FHOD3: variants seen among roughly 807,000 people sequenced by gnomAD.
FHOD3 encodes formin homology 2 domain containing 3, also known as FH1/FH2 domain-containing protein 3.
A neutral mutation model predicts 173.0 loss-of-function variants in FHOD3; 90 were observed. That is an observed-to-expected ratio of 0.52 (90% CI 0.44 to 0.62). FHOD3 has a LOEUF of 0.62. Among genes scored for constraint, FHOD3 ranks in the 20% least tolerant of loss-of-function variants. The probability of loss-of-function intolerance (pLI) is 0.00; values close to 1 mark genes in which losing one functional copy is unlikely to be tolerated. For synonymous variants in FHOD3, 828 were observed against 823.0 expected (o/e 1.01, Z -0.10); for missense variants, 1,945 against 2,034.7 (o/e 0.96, Z 0.85).
chr18:36,435,095 A>G lies in FHOD3; in HGVS notation c.337+62351A>G, dbSNP rs558728782. Among the ~76,000 whole-genome samples, 4 of 132,182 alleles carry G rather than the reference A, an allele frequency of 3.0e-5. No individual in the cohort carries two copies. The South Asian group carries it at 1.0e-3, about 33-fold the overall frequency. 86.7% of individuals were successfully genotyped at this position (132,182 alleles called of 152,430 possible). On this transcript the variant is annotated intron_variant, in intron 3 of 28. Coordinates refer to ENST00000590592, the MANE Select transcript of FHOD3 (RefSeq NM_001281740.3). The stretch of plus-strand genomic sequence containing the variant: ...GATGGTGAAGGGCAAAATAAATTTC[A>G]CTGGACTTTTTTTTTTTTTTTCTGG...
At chr18:36,446,872 TCTC>T (rs2051514015) in intron 3 of FHOD3, among the ~76,000 whole-genome samples, 1 of 152,026 alleles carries the variant, frequency 6.6e-6, no homozygotes, top group African/African-American at 2.4e-5. Context: ...TGGCCTTTAA[TCTC>T]CTTCACTAAA....
intron 5 of FHOD3, among the ~76,000 whole-genome samples, chr18:36,542,734 T>C (rs2057272747): frequency 6.6e-6 from 1 of 152,318 alleles, no homozygotes; most frequent in Middle Eastern, 3.4e-3. Flanking sequence ...AGGGGATGAA[T>C]TTGCAAATTG....
At chr18:36,606,105 C>T (rs906324012) in intron 8 of FHOD3, among the ~76,000 whole-genome samples, 5 of 152,104 alleles carry the variant, frequency 3.3e-5, no homozygotes, top group African/African-American at 9.7e-5. Context: ...AGGAGTTGTT[C>T]AGTGGGGCTA....
intron 5 of FHOD3, among the ~76,000 whole-genome samples, chr18:36,523,258 AT>A (rs1180580487): frequency 6.6e-6 from 1 of 152,242 alleles, no homozygotes; most frequent in Admixed American, 6.5e-5. Flanking sequence ...GTTAAATGTC[AT>A]TGGATAAATA....
chr18:36,611,856 A>G lies in FHOD3; in HGVS notation c.814-96A>G, dbSNP rs974337285. 14 of 1,239,472 alleles carry G rather than the reference A, an allele frequency of 1.1e-5. No homozygotes were observed. The African/African-American group carries it at 1.2e-4, about 11-fold the overall frequency. The allele number at this position is 1,239,472 out of a possible 1,614,324, so 76.8% of individuals were successfully genotyped here. A position where few individuals can be genotyped will look rare whatever the true frequency, so the allele number is the denominator to read the frequency against. ...TCTGGATTGATTAGTGGCCATGATTATAACAATATGCCTGGATTAGGCATT... is the reference window on the plus strand; with the variant it reads ...TCTGGATTGATTAGTGGCCATGATTGTAACAATATGCCTGGATTAGGCATT... On this transcript the variant is annotated intron_variant, in intron 8 of 28. Transcript: ENST00000590592.
intron 3 of FHOD3, among the ~76,000 whole-genome samples, chr18:36,407,306 CT>C (rs1405106345): frequency 6.6e-6 from 1 of 152,202 alleles, no homozygotes; most frequent in Non-Finnish European, 1.5e-5. Context: ...TACAAATTCT[CT>C]TTTTGCTCCA....
Position 36,718,382 on chromosome 18 carries a change from C to CCCTCT in FHOD3, c.3084_3085insCCTCT (p.Phe1029ProfsTer41). 1.3e-6 allele frequency: 2 copies of CCCTCT among 1,495,076 alleles called. No individual in the cohort carries two copies. Among genetic ancestry groups the CCCTCT allele is most frequent in the Admixed American group, 2.0e-5 (1 of 50,238 alleles). 92.6% of individuals were successfully genotyped at this position (1,495,076 alleles called of 1,614,324 possible). ...GGCCACCTCCCCCACCCCCACCCAC[C>CCCTCT]TTTCTGGGTTTGCCGCCCCCACCCC... On this transcript the variant is annotated frameshift_variant, in exon 19 of 29. Transcript: ENST00000590592. LOFTEE classifies it high-confidence loss of function.
At chr18:36,416,829 T>C (rs1375588903) in intron 3 of FHOD3, among the ~76,000 whole-genome samples, 4 of 152,162 alleles carry the variant, frequency 2.6e-5, no homozygotes, top group African/African-American at 9.6e-5. Flanking sequence ...TCAAGCCACC[T>C]CTGTGTCCTT....
chr18:36,753,098 G>C (rs1404403080), intron 24 of FHOD3, among the ~76,000 whole-genome samples: 1 of 152,212 alleles, frequency 6.6e-6, no homozygotes, highest in Non-Finnish European at 1.5e-5. Context: ...TGTGGAATGA[G>C]TGAGAGCCAT....
At chr18:36,501,879 C>T (rs1353355552) in intron 3 of FHOD3, 53 bp from the exon 4 acceptor site, 3 of 1,253,718 alleles carry the variant, frequency 2.4e-6, no homozygotes, top group Non-Finnish European at 3.4e-6. Context: ...TCTGTGTTTT[C>T]ACTGTCAATA....
Position 36,780,027 on chromosome 18 carries a change from C to A in FHOD3, c.*497C>A. 1.4e-6 allele frequency: 1 copy of A among 722,344 alleles called. No individual in the cohort carries two copies. 44.7% of individuals were successfully genotyped at this position (722,344 alleles called of 1,614,324 possible). ...AAATACATACATGTACACCATGTTT[C>A]AAATACTAAATAAATAGAGTTTAAT... On this transcript the variant is annotated 3_prime_UTR_variant, in exon 29 of 29. Transcript: ENST00000590592.
intron 3 of FHOD3, among the ~76,000 whole-genome samples, chr18:36,475,558 C>A (rs2053519246): frequency 6.6e-6 from 1 of 152,046 alleles, no homozygotes; most frequent in Non-Finnish European, 1.5e-5. Context: ...AAGGACTTGC[C>A]ATCAAAATCA....
rs748409532 is a variant in FHOD3, at chr18:36,502,010, A to G, written c.405+11A>G. 2 of 1,582,024 alleles carry G rather than the reference A, an allele frequency of 1.3e-6. No individual in the cohort carries two copies. The highest frequency in any genetic ancestry group is 1.7e-6 in the Non-Finnish European group (2 of 1,156,824). ...AAGCAGATATTTCAGGTAAATAGGA[A>G]AAAAATAAGTACTTACCTGTTTTTA... On this transcript the variant is annotated intron_variant, in intron 4 of 28. Transcript: ENST00000590592.
At chr18:36,714,885 G>T (rs2040364030) in intron 18 of FHOD3, among the ~76,000 whole-genome samples, 1 of 152,200 alleles carries the variant, frequency 6.6e-6, no homozygotes, top group South Asian at 2.1e-4. Context: ...GTTGCACCAA[G>T]GACAGAGAAC....
chr18:36,652,374 T>A (rs764395818), intron 11 of FHOD3, among the ~76,000 whole-genome samples, 196 bp from the exon 12 acceptor site: 9 of 152,268 alleles, frequency 5.9e-5, no homozygotes, highest in Non-Finnish European at 1.3e-4. Flanking sequence ...AAACTCAGCA[T>A]GTCAGGATTG....
intron 5 of FHOD3, among the ~76,000 whole-genome samples, chr18:36,516,013 T>G (rs370829977): frequency 1.4e-4 from 22 of 152,330 alleles, no homozygotes; most frequent in African/African-American, 5.3e-4. Flanking sequence ...ATGACACATT[T>G]CTTGGGACGT....
intron 3 of FHOD3, among the ~76,000 whole-genome samples, chr18:36,491,321 T>G (rs368959387): frequency 6.6e-6 from 1 of 152,214 alleles, no homozygotes; most frequent in African/African-American, 2.4e-5. Flanking sequence ...TGTTCCCATA[T>G]ACCCCCTCAA....
chr18:36,604,440 T>C (rs2031826858), intron 8 of FHOD3, among the ~76,000 whole-genome samples: 1 of 152,194 alleles, frequency 6.6e-6, no homozygotes, highest in South Asian at 2.1e-4. Flanking sequence ...GGCCCCTTCC[T>C]CAGCAGACAG....
At position 36,740,721 on chromosome 18, in the gene FHOD3, C is replaced by G. The variant is rs772543666; in HGVS notation, c.3642C>G (p.Asn1214Lys). ...KQKIQEAQLA[N>K]PEIPLGSAEQ... The stretch of plus-strand genomic sequence containing the variant: ...AAATCCAGGAAGCTCAGCTGGCCAA[C>G]CCTGAAATCCCCCTGGGCAGTGCAG... Residue 1214 changes from asparagine (N) to lysine (K), a missense_variant, in exon 21 of 29, where the codon AAC becomes AAG. Asn to Lys is a moderately conservative substitution (Grantham distance 94). Transcript: ENST00000590592. 2 of 1,614,062 alleles carry G rather than the reference C, an allele frequency of 1.2e-6. No individual in the cohort carries two copies. The highest frequency in any genetic ancestry group is 2.2e-5 in the South Asian group (2 of 91,070).
Sources: gnomAD v4.1 joint callset for allele counts (sites outside exome capture counted in the v4.1 genomes callset) on GRCh38, gnomAD v4.1.1 for gene constraint, MANE v1.5 for transcripts, NCBI Gene and HGNC (gene_info 2026-07-23, HGNC 2026-07-21) for gene names.